PDXDC1: variants seen among roughly 807,000 people sequenced by gnomAD.
PDXDC1 encodes the protein pyridoxal-dependent decarboxylase domain-containing protein 1.
PDXDC1 carries 42 observed loss-of-function variants against 100.1 expected under a neutral mutation model. The observed-to-expected ratio is 0.42, with a 90% CI of 0.33 to 0.54. PDXDC1 has a LOEUF of 0.54. PDXDC1 is among the 20% of genes least tolerant of loss of function. The pLI is 0.10. For synonymous variants in PDXDC1, 260 were observed against 371.7 expected, an observed-to-expected ratio of 0.70 and a Z score of 3.46; for missense variants, 636 against 979.2, an observed-to-expected ratio of 0.65 and a Z score of 4.68.
intron 12 of PDXDC1, among the ~76,000 whole-genome samples, chr16:15,021,447 A>G (rs1195371979): frequency 6.6e-6 from 1 of 152,272 alleles, no homozygotes; most frequent in African/African-American, 2.4e-5. Flanking sequence ...CATTTTTTGA[A>G]AAGTGTCTCA....
upstream of PDXDC1, chr16:14,975,023 C>T: frequency 6.5e-7 from 1 of 1,532,008 alleles, no homozygotes; most frequent in Non-Finnish European, 8.7e-7. Flanking sequence ...CCCGCCCCGC[C>T]GCCTCTCAAC....
intron 16 of PDXDC1, among the ~76,000 whole-genome samples, chr16:15,075,096 A>T (rs12600176): frequency 0.11 from 16,066 of 151,804 alleles, 992 homozygotes; most frequent in East Asian, 0.25. Context: ...CTAAAAATAC[A>T]AGAATTAGCC....
intron 16 of PDXDC1, among the ~76,000 whole-genome samples, chr16:15,124,619 A>G (rs2047603648): frequency 6.7e-6 from 1 of 149,110 alleles, no homozygotes; most frequent in Non-Finnish European, 1.5e-5. Context: ...ATAAAATACA[A>G]AAATTAGCCG....
intron 13 of PDXDC1, 39 bp downstream of exon 13, chr16:15,022,793 T>A: frequency 2.6e-6 from 4 of 1,516,206 alleles, no homozygotes; most frequent in Non-Finnish European, 3.6e-6. Context: ...AAATATAACT[T>A]TTTTTGAACC....
In PDXDC1 at chr16:14,991,267, A is replaced by G. The variant is rs867730245; in HGVS notation, c.22-6486A>G. On this transcript the variant is annotated intron_variant, in intron 1 of 22. Transcript: ENST00000396410. ...ATATGTATTATATATGTATATAGAT[A>G]TGTGTGTGTGTGTGTGTGTGTGTGT... Among the ~76,000 whole-genome samples, 1,064 of 149,858 alleles carry G rather than the reference A, an allele frequency of 7.1e-3. 1 individual carries two copies. Among genetic ancestry groups the G allele is most frequent in the African/African-American group, 0.011 (438 of 40,444 alleles).
At chr16:15,065,572 G>A (rs1389263724) in intron 16 of PDXDC1, among the ~76,000 whole-genome samples, 1 of 152,156 alleles carries the variant, frequency 6.6e-6, no homozygotes, top group African/African-American at 2.4e-5. Flanking sequence ...AGTTTGCTAA[G>A]GAGAAAGAAA....
chr16:15,042,656 C>A (rs1350097529), downstream of PDXDC1, among the ~76,000 whole-genome samples: 1 of 152,116 alleles, frequency 6.6e-6, no homozygotes, highest in African/African-American at 2.4e-5. Flanking sequence ...TCTCTATGCA[C>A]ATTTCAGATT....
chr16:15,097,010 CCA>C (rs1311612218), intron 16 of PDXDC1, among the ~76,000 whole-genome samples: 1 of 152,132 alleles, frequency 6.6e-6, no homozygotes, highest in Non-Finnish European at 1.5e-5. Flanking sequence ...ACCTGTAATG[CCA>C]GAGCTTTGGG....
At chr16:15,121,984 T>C in intron 16 of PDXDC1, 1 of 255,062 alleles carries the variant, frequency 3.9e-6, no homozygotes, top group Middle Eastern at 1.6e-3. Flanking sequence ...CTACTAAAAA[T>C]ACAAAAATTA....
rs552277722 is a variant in PDXDC1 at position 15,131,645 on chromosome 16, C to T, written c.1400-7234C>T. The T allele has an allele frequency of 7.8e-4, 1,230 of 1,586,518 alleles. 1 individual carries two copies. The highest frequency in any genetic ancestry group is 1.1e-3 in the Middle Eastern group (5 of 4,406). On this transcript the variant is annotated intron_variant, in intron 16 of 16. Coordinates refer to the PDXDC1 transcript ENST00000535621. ...GACGCCACCATCCGCGATGGTGACT[C>T]GGCTCCCAGCTCTGAGCGCTGTGGT... is the stretch of plus-strand genomic sequence containing the variant.
At chr16:15,022,885 C>T in intron 13 of PDXDC1, 131 bp downstream of exon 13, 1 of 790,242 alleles carries the variant, frequency 1.3e-6, no homozygotes, top group South Asian at 2.1e-5. Context: ...AGTAAAAAAA[C>T]AAAACAAAAA....
rs9331444 is a variant in PDXDC1, at chr16:15,046,697, C to CA, written c.1399+16668dup. Among the ~76,000 whole-genome samples, 411 of 43,626 alleles carry CA rather than the reference C, an allele frequency of 9.4e-3. 34 individuals carry two copies. The highest frequency in any genetic ancestry group is 0.032 in the African/African-American group (330 of 10,382). 28.6% of individuals were successfully genotyped at this position (43,626 alleles called of 152,430 possible). On this transcript the variant is annotated intron_variant, in intron 16 of 16. Coordinates refer to the PDXDC1 transcript ENST00000535621. ...CAACTTGGCAAAACCCTGTCTCTAC[C>CA]AAAAAAAAAAAAAAAAAAAAAAAAA...
chr16:15,011,225 T>C (rs1400083987), intron 8 of PDXDC1, among the ~76,000 whole-genome samples: 6 of 152,392 alleles, frequency 3.9e-5, no homozygotes, highest in East Asian at 1.9e-4. Context: ...CCAAAGAAAA[T>C]AGAGAATTCA....
At chr16:15,000,373 G>C (rs1295260590) in intron 3 of PDXDC1, among the ~76,000 whole-genome samples, 1 of 152,294 alleles carries the variant, frequency 6.6e-6, no homozygotes, top group East Asian at 1.9e-4. Context: ...GGAATAGCTT[G>C]CTCGAGGTCA....
intron 1 of PDXDC1, chr16:14,996,269 A>G (rs955662724): frequency 4.8e-5 from 17 of 356,360 alleles, no homozygotes; most frequent in Middle Eastern, 3.8e-4. Context: ...TGAGGAGGCA[A>G]TGCAGTTTTA....
chr16:15,001,770 C>T lies in PDXDC1; in HGVS notation c.162-6C>T. On this transcript the variant is annotated splice_polypyrimidine_tract_variant and splice_region_variant and intron_variant, in intron 3 of 22. Coordinates refer to ENST00000396410, the MANE Select transcript of PDXDC1 (RefSeq NM_015027.4). ...CATCAGCCCATCAACTCTTTTTATT[C>T]TGCAGTGGGCAAGATATGGTGAGCA... 1 of 1,608,230 alleles carries T rather than the reference C, an allele frequency of 6.2e-7. No homozygotes were observed. The highest frequency in any genetic ancestry group is 1.1e-5 in the South Asian group (1 of 90,048).
intron 16 of PDXDC1, chr16:15,128,132 A>G (rs749860490): frequency 1.2e-6 from 2 of 1,609,836 alleles, no homozygotes; most frequent in Non-Finnish European, 8.5e-7. Context: ...GGCAGGGCTG[A>G]GCCCTGCAGA....
chr16:15,046,842 T>A (rs1597793558), intron 16 of PDXDC1, among the ~76,000 whole-genome samples: 1 of 150,862 alleles, frequency 6.6e-6, no homozygotes, highest in Non-Finnish European at 1.5e-5. Flanking sequence ...ACAACTGTGC[T>A]CCAGACAGGG....
chr16:15,076,971 C>A (rs113936710), intron 16 of PDXDC1, among the ~76,000 whole-genome samples: 5,518 of 141,450 alleles, frequency 0.039, 124 homozygotes, highest in Middle Eastern at 0.061. Context: ...TGTGTCCCCA[C>A]CCAAATCACT....
Sources: gnomAD v4.1 joint callset for allele counts (sites outside exome capture counted in the v4.1 genomes callset) on GRCh38, gnomAD v4.1.1 for gene constraint, MANE v1.5 for transcripts, NCBI Gene and HGNC (gene_info 2026-07-23, HGNC 2026-07-21) for gene names.